The following ZDHHC13 variants were observed in gnomAD, a reference collection of about 807,000 sequenced individuals.
ZDHHC13 encodes the protein zDHHC palmitoyltransferase 13.
A neutral mutation model predicts 86.0 loss-of-function variants in ZDHHC13; 85 were observed. The observed-to-expected ratio is 0.99, with a 90% CI of 0.83 to 1.18. The LOEUF is 1.18. ZDHHC13 is among the 50% of genes most tolerant of loss of function. The pLI, the probability that ZDHHC13 is intolerant of heterozygous loss-of-function variation, is 0.00. For missense variants in ZDHHC13, 711 were observed against 730.2 expected, an observed-to-expected ratio of 0.97 and a Z score of 0.30; for synonymous variants, 263 against 246.4, an observed-to-expected ratio of 1.07 and a Z score of -0.63.
intron 14 of ZDHHC13, 165 bp downstream of exon 14, chr11:19,166,550 G>A: frequency 2.0e-6 from 1 of 507,464 alleles, no homozygotes. Flanking sequence ...GAAGCTGCAA[G>A]AAATACAAGA....
At chr11:19,161,682 A>G (rs916023247) in intron 10 of ZDHHC13, among the ~76,000 whole-genome samples, 7 of 150,110 alleles carry the variant, frequency 4.7e-5, no homozygotes, top group African/African-American at 1.5e-4. Context: ...TGAATATTAC[A>G]TTTGTGATAT....
chr11:19,135,672 T>C (rs904885862), intron 1 of ZDHHC13, among the ~76,000 whole-genome samples: 2 of 152,240 alleles, frequency 1.3e-5, no homozygotes, highest in South Asian at 2.1e-4. Context: ...TAAATGTCCC[T>C]GTCTGACAGC....
chr11:19,160,724 G>A (rs553393118), intron 10 of ZDHHC13, among the ~76,000 whole-genome samples: 26 of 151,922 alleles, frequency 1.7e-4, no homozygotes, highest in Non-Finnish European at 3.1e-4. Flanking sequence ...GACAGGACTC[G>A]GCCAACACTA....
chr11:19,172,302 A>G (rs1235756391), intron 15 of ZDHHC13, among the ~76,000 whole-genome samples: 2 of 151,996 alleles, frequency 1.3e-5, no homozygotes, highest in East Asian at 3.9e-4. Flanking sequence ...CGAACTCCTG[A>G]CCTCGTGATC....
At chr11:19,157,590 T>C (rs1204130079) in intron 9 of ZDHHC13, among the ~76,000 whole-genome samples, 1 of 152,212 alleles carries the variant, frequency 6.6e-6, no homozygotes, top group Non-Finnish European at 1.5e-5. Context: ...GACTTAGAGA[T>C]ATTTATTCAC....
At chr11:19,151,050 A>G (rs1849594852) in intron 6 of ZDHHC13, among the ~76,000 whole-genome samples, 1 of 152,070 alleles carries the variant, frequency 6.6e-6, no homozygotes, top group South Asian at 2.1e-4. Flanking sequence ...TTACCTATCA[A>G]GTAGATATAC....
intron 1 of ZDHHC13, among the ~76,000 whole-genome samples, chr11:19,133,017 A>AG (rs1231001585): frequency 2.6e-5 from 4 of 152,194 alleles, no homozygotes; most frequent in African/African-American, 9.6e-5. Context: ...AGAAAAAGAG[A>AG]GAAACCCAGT....
At chr11:19,153,703 C>T (rs1849672690) in intron 8 of ZDHHC13, among the ~76,000 whole-genome samples, 2 of 152,134 alleles carry the variant, frequency 1.3e-5, no homozygotes, top group Admixed American at 1.3e-4. Flanking sequence ...TCTCTCTAGT[C>T]TAGACCTTTC....
chr11:19,175,538 G>A (rs1360574457), intron 16 of ZDHHC13, among the ~76,000 whole-genome samples: 1 of 151,988 alleles, frequency 6.6e-6, no homozygotes, highest in Non-Finnish European at 1.5e-5. Context: ...GATGTCAGTG[G>A]CCAGTCCATT....
chr11:19,168,895 T>G, intron 14 of ZDHHC13: 3 of 985,268 alleles, frequency 3.0e-6, no homozygotes, highest in Non-Finnish European at 3.6e-6. Context: ...AAAGAAAGAT[T>G]GTAGATTACC....
chr11:19,134,816 C>G (rs1318942276), intron 1 of ZDHHC13, among the ~76,000 whole-genome samples: 2 of 152,046 alleles, frequency 1.3e-5, no homozygotes, highest in Non-Finnish European at 2.9e-5. Context: ...TGTAACAAAC[C>G]TGCACGTTCT....
At chr11:19,161,546 G>T (rs1265799692) in intron 10 of ZDHHC13, among the ~76,000 whole-genome samples, 1 of 151,752 alleles carries the variant, frequency 6.6e-6, no homozygotes, top group East Asian at 1.9e-4. Flanking sequence ...AGTTTCTTTT[G>T]GTACCTTTTA....
chr11:19,126,876 T>C (rs1590060495), intron 1 of ZDHHC13, among the ~76,000 whole-genome samples: 2 of 152,226 alleles, frequency 1.3e-5, no homozygotes, highest in South Asian at 2.1e-4. Flanking sequence ...GGCATTTACA[T>C]TGATTCCATG....
chr11:19,123,980 T>G (rs1848813368), intron 1 of ZDHHC13, among the ~76,000 whole-genome samples: 1 of 152,156 alleles, frequency 6.6e-6, no homozygotes, highest in South Asian at 2.1e-4. Flanking sequence ...GAGTATTTGG[T>G]CAGAATCTAT....
At chr11:19,138,994 A>C (rs1480297554) in intron 1 of ZDHHC13, among the ~76,000 whole-genome samples, 1 of 152,062 alleles carries the variant, frequency 6.6e-6, no homozygotes, top group Non-Finnish European at 1.5e-5. Flanking sequence ...TTCCCTTTGA[A>C]AACTGGCACA....
chr11:19,169,727 AC>A (rs1224272058), intron 14 of ZDHHC13: 1 of 985,364 alleles, frequency 1.0e-6, no homozygotes, highest in Non-Finnish European at 1.2e-6. Context: ...GCTCCTAGCT[AC>A]ATGGGTTAGG....
intron 1 of ZDHHC13, among the ~76,000 whole-genome samples, chr11:19,124,353 A>G (rs1446317111): frequency 2.6e-5 from 4 of 152,192 alleles, no homozygotes; most frequent in African/African-American, 4.8e-5. Context: ...ATATATATAC[A>G]TAATGAGGGA....
chr11:19,160,711 G>C (rs1265269003), intron 10 of ZDHHC13, among the ~76,000 whole-genome samples: 2 of 151,886 alleles, frequency 1.3e-5, no homozygotes, highest in African/African-American at 2.4e-5. Flanking sequence ...CCCATTTCTA[G>C]GTGACAGGAC....
intron 9 of ZDHHC13, among the ~76,000 whole-genome samples, chr11:19,157,071 G>A (rs1001342660): frequency 1.3e-5 from 2 of 152,200 alleles, no homozygotes; most frequent in African/African-American, 4.8e-5. Context: ...GTCTTTGTCT[G>A]AAGTGTTGTG....
Sources: gnomAD v4.1 joint callset for allele counts (sites outside exome capture counted in the v4.1 genomes callset) on GRCh38, gnomAD v4.1.1 for gene constraint, MANE v1.5 for transcripts, NCBI Gene and HGNC (gene_info 2026-07-23, HGNC 2026-07-21) for gene names.